GTF2F2: variants seen among roughly 807,000 people sequenced by gnomAD.
The protein encoded by GTF2F2 is ATP-dependent helicase GTF2F2.
Under a neutral mutation model 42.2 loss-of-function variants are expected in GTF2F2, and 23 were observed. The ratio of observed to expected loss-of-function variants is 0.55; its 90% CI spans 0.39 to 0.77. The LOEUF (loss-of-function observed/expected upper bound fraction) is 0.77. Ranked by LOEUF, GTF2F2 falls within the 30% of genes least tolerant of loss-of-function variation. The pLI is 0.00. For synonymous variants in GTF2F2, 105 were observed against 100.8 expected (o/e 1.04, Z -0.25); for missense variants, 261 against 287.2 (o/e 0.91, Z 0.66).
chr13:45,165,566 CG>C (rs5803285), intron 4 of GTF2F2, among the ~76,000 whole-genome samples: 47,302 of 144,112 alleles, frequency 0.33, 10,227 homozygotes, highest in African/African-American at 0.64. Flanking sequence ...CCACTGCCCT[CG>C]CCCCCCCCCG....
intron 4 of GTF2F2, among the ~76,000 whole-genome samples, chr13:45,168,265 C>T (rs1004166930): frequency 4.6e-5 from 7 of 152,188 alleles, no homozygotes; most frequent in East Asian, 1.9e-4. Context: ...AAGGCCTTGC[C>T]GTTACTGTGC....
At chr13:45,279,525 T>C (rs1877171087) in intron 7 of GTF2F2, among the ~76,000 whole-genome samples, 1 of 152,218 alleles carries the variant, frequency 6.6e-6, no homozygotes, top group African/African-American at 2.4e-5. Flanking sequence ...CACCCAGCAG[T>C]CCTCTTAGCT....
chr13:45,231,171 A>T (rs1874660129), intron 5 of GTF2F2, among the ~76,000 whole-genome samples: 2 of 151,960 alleles, frequency 1.3e-5, no homozygotes, highest in South Asian at 4.1e-4. Flanking sequence ...GCAGTGGCAC[A>T]ATCTTGGCTT....
intron 4 of GTF2F2, among the ~76,000 whole-genome samples, chr13:45,178,023 A>G (rs1297943142): frequency 6.6e-6 from 1 of 152,084 alleles, no homozygotes; most frequent in African/African-American, 2.4e-5. Context: ...TTTCTCTTTA[A>G]GCAGCCTGGG....
chr13:45,181,204 C>A (rs113333399), intron 4 of GTF2F2, among the ~76,000 whole-genome samples: 10,598 of 138,094 alleles, frequency 0.077, 1,393 homozygotes, highest in African/African-American at 0.27. Context: ...AAAAAAAAAA[C>A]CAGAAAAACC....
chr13:45,229,864 TAA>T (rs967826858), intron 5 of GTF2F2, among the ~76,000 whole-genome samples: 1 of 152,030 alleles, frequency 6.6e-6, no homozygotes, highest in South Asian at 2.1e-4. Context: ...GTAGAATACA[TAA>T]AAAAATAGAG....
intron 5 of GTF2F2, among the ~76,000 whole-genome samples, chr13:45,242,612 C>T (rs1256942286): frequency 6.6e-6 from 1 of 151,998 alleles, no homozygotes; most frequent in Non-Finnish European, 1.5e-5. Flanking sequence ...TGTTTAATTC[C>T]ATTGATAACA....
intron 1 of GTF2F2, among the ~76,000 whole-genome samples, chr13:45,121,865 T>G (rs1473291815): frequency 6.6e-6 from 1 of 152,156 alleles, no homozygotes; most frequent in Non-Finnish European, 1.5e-5. Flanking sequence ...TAAATAGGCA[T>G]TTCTCTCTCC....
intron 5 of GTF2F2, among the ~76,000 whole-genome samples, chr13:45,219,202 G>GA (rs1874012617): frequency 6.6e-6 from 1 of 151,558 alleles, no homozygotes; most frequent in East Asian, 1.9e-4. Context: ...TCACAAAAAA[G>GA]AAAATTGAAT....
intron 4 of GTF2F2, among the ~76,000 whole-genome samples, chr13:45,179,631 G>T (rs1242464777): frequency 6.6e-6 from 1 of 152,178 alleles, no homozygotes; most frequent in Non-Finnish European, 1.5e-5. Context: ...GCCTTGGGAG[G>T]CTGTCTAAAC....
chr13:45,154,783 A>G (rs1182581865), intron 4 of GTF2F2, among the ~76,000 whole-genome samples: 3 of 152,200 alleles, frequency 2.0e-5, no homozygotes, highest in Non-Finnish European at 4.4e-5. Flanking sequence ...CCTTATTTTT[A>G]AACACTTTAG....
intron 5 of GTF2F2, among the ~76,000 whole-genome samples, chr13:45,216,711 A>C (rs921819452): frequency 6.6e-6 from 1 of 151,482 alleles, no homozygotes; most frequent in Non-Finnish European, 1.5e-5. Flanking sequence ...TGGGGACAGG[A>C]TTGCTCCAAG....
intron 4 of GTF2F2, among the ~76,000 whole-genome samples, chr13:45,170,026 T>C (rs1174507326): frequency 2.0e-5 from 3 of 152,142 alleles, no homozygotes; most frequent in Non-Finnish European, 2.9e-5. Flanking sequence ...AGACTGGTTA[T>C]TTATTTATTT....
intron 1 of GTF2F2, among the ~76,000 whole-genome samples, chr13:45,125,451 C>A (rs1348819337): frequency 2.0e-5 from 3 of 152,170 alleles, no homozygotes; most frequent in Non-Finnish European, 4.4e-5. Flanking sequence ...TCCCGAGTAG[C>A]TGGGGCTACA....
intron 1 of GTF2F2, among the ~76,000 whole-genome samples, chr13:45,133,913 C>T (rs1016367826): frequency 6.6e-6 from 1 of 152,154 alleles, no homozygotes; most frequent in Admixed American, 6.5e-5. Context: ...AGATATCCTC[C>T]TGTATACACC....
chr13:45,211,986 A>AC, intron 5 of GTF2F2, among the ~76,000 whole-genome samples: 1 of 151,364 alleles, frequency 6.6e-6, no homozygotes, highest in Non-Finnish European at 1.5e-5. Context: ...CACACACCAC[A>AC]CCCCCACATA....
intron 2 of GTF2F2, among the ~76,000 whole-genome samples, chr13:45,149,387 G>A (rs1448621479): frequency 6.8e-6 from 1 of 147,294 alleles, no homozygotes; most frequent in East Asian, 2.0e-4. Context: ...AGACTGCAGT[G>A]AGCCATGATT....
At chr13:45,228,799 T>TA (rs1874515417) in intron 5 of GTF2F2, among the ~76,000 whole-genome samples, 1 of 151,474 alleles carries the variant, frequency 6.6e-6, no homozygotes, top group Non-Finnish European at 1.5e-5. Flanking sequence ...TCCTCCCAAG[T>TA]AGCTGGGATT....
At chr13:45,197,861 G>A (rs1593485988) in intron 4 of GTF2F2, among the ~76,000 whole-genome samples, 1 of 152,184 alleles carries the variant, frequency 6.6e-6, no homozygotes, top group African/African-American at 2.4e-5. Context: ...ATACAAACCG[G>A]AACTGCTCAA....
Sources: allele counts gnomAD v4.1 joint callset (sites outside exome capture counted in the v4.1 genomes callset), GRCh38; gene constraint gnomAD v4.1.1; transcripts MANE v1.5; gene names NCBI Gene and HGNC (gene_info 2026-07-23, HGNC 2026-07-21).